The following CSMD1 variants were observed in gnomAD, a reference collection of about 807,000 sequenced individuals.
CSMD1 encodes the protein CUB and sushi domain-containing protein 1.
CSMD1 carries 213 observed loss-of-function variants against 417.5 expected under a neutral mutation model. The ratio of observed to expected loss-of-function variants is 0.51; its 90% CI spans 0.46 to 0.57. The LOEUF is 0.57. Ranked by LOEUF, CSMD1 falls within the 20% of genes least tolerant of loss-of-function variation. The pLI, the probability that CSMD1 is intolerant of heterozygous loss-of-function variation, is 0.00. For synonymous variants in CSMD1, 2,862 were observed against 1,736.8 expected (o/e 1.65, Z -16.11); for missense variants, 6,923 against 4,529.7 (o/e 1.53, Z -15.17).
intron 7 of CSMD1, among the ~76,000 whole-genome samples, chr8:3,697,484 G>T (rs1800618995): frequency 6.6e-6 from 1 of 152,086 alleles, no homozygotes; most frequent in Non-Finnish European, 1.5e-5. Flanking sequence ...TGTATAAAAT[G>T]GAATTCTTTA....
At chr8:4,322,878 A>T (rs955411155) in intron 3 of CSMD1, among the ~76,000 whole-genome samples, 2 of 152,170 alleles carry the variant, frequency 1.3e-5, no homozygotes, top group African/African-American at 4.8e-5. Context: ...CCAGCTACTC[A>T]GGAGGCTGAG....
chr8:4,312,031 T>C (rs1300784724), intron 3 of CSMD1, among the ~76,000 whole-genome samples: 3 of 152,162 alleles, frequency 2.0e-5, no homozygotes, highest in African/African-American at 7.2e-5. Flanking sequence ...TATTATAGTG[T>C]GTTGAAATCA....
chr8:3,011,850 T>C (rs1808407616), intron 52 of CSMD1, among the ~76,000 whole-genome samples: 1 of 152,226 alleles, frequency 6.6e-6, no homozygotes. Flanking sequence ...GTTTGTGTGT[T>C]CTCTGTTGGT....
chr8:3,723,136 C>T (rs1003827070), intron 6 of CSMD1, among the ~76,000 whole-genome samples: 6 of 152,082 alleles, frequency 3.9e-5, no homozygotes, highest in African/African-American at 1.4e-4. Context: ...TTCGGTGGTT[C>T]TAGGACTGAG....
intron 3 of CSMD1, among the ~76,000 whole-genome samples, chr8:4,352,214 A>G (rs1461106203): frequency 6.6e-6 from 1 of 152,196 alleles, no homozygotes; most frequent in Non-Finnish European, 1.5e-5. Flanking sequence ...CCCCACTTAG[A>G]GCTAATGCAA....
intron 5 of CSMD1, among the ~76,000 whole-genome samples, chr8:3,868,010 C>T (rs1403093619): frequency 6.6e-6 from 1 of 152,114 alleles, no homozygotes; most frequent in African/African-American, 2.4e-5. Context: ...ACACCTCATC[C>T]TTCCTTCTCC....
At chr8:3,449,230 T>C (rs1012420975) in intron 12 of CSMD1, among the ~76,000 whole-genome samples, 1 of 152,222 alleles carries the variant, frequency 6.6e-6, no homozygotes, top group Admixed American at 6.5e-5. Context: ...TGAAGAATTG[T>C]AGAGGGAAGT....
intron 37 of CSMD1, among the ~76,000 whole-genome samples, chr8:3,174,839 G>A (rs975036115): frequency 2.6e-5 from 4 of 151,504 alleles, no homozygotes; most frequent in African/African-American, 7.3e-5. Flanking sequence ...TTTTTATGTT[G>A]CATCAAACAC....
intron 41 of CSMD1, among the ~76,000 whole-genome samples, chr8:3,138,686 A>T (rs1487511865): frequency 6.6e-6 from 1 of 152,208 alleles, no homozygotes; most frequent in Admixed American, 6.5e-5. Flanking sequence ...TGAGATTGCT[A>T]CACGTGCAAG....
intron 26 of CSMD1, among the ~76,000 whole-genome samples, chr8:3,255,989 C>G (rs1800621436): frequency 1.3e-5 from 2 of 152,080 alleles, no homozygotes; most frequent in Non-Finnish European, 2.9e-5. Flanking sequence ...GGAGCTGTTC[C>G]TATTCGGCCA....
intron 5 of CSMD1, among the ~76,000 whole-genome samples, chr8:3,783,371 G>A (rs1030119242): frequency 1.3e-5 from 2 of 152,230 alleles, no homozygotes; most frequent in African/African-American, 2.4e-5. Flanking sequence ...GCACCAGGAA[G>A]CAGTCACATG....
intron 1 of CSMD1, among the ~76,000 whole-genome samples, chr8:4,640,624 C>G (rs1351183131): frequency 1.3e-5 from 2 of 152,034 alleles, no homozygotes; most frequent in East Asian, 1.9e-4. Context: ...TAAATGATGT[C>G]CTTAAGTACA....
chr8:3,778,839 C>T (rs1171078564), intron 5 of CSMD1, among the ~76,000 whole-genome samples: 4 of 152,172 alleles, frequency 2.6e-5, no homozygotes, highest in Admixed American at 2.6e-4. Flanking sequence ...TATTATTCCT[C>T]ATTGAATACT....
chr8:4,372,029 A>ACAGGTCAT (rs145713991), intron 3 of CSMD1, among the ~76,000 whole-genome samples: 2,528 of 152,330 alleles, frequency 0.017, 25 homozygotes, highest in Non-Finnish European at 0.028. Flanking sequence ...CGATATAGCT[A>ACAGGTCAT]CAGGTCATGG....
At chr8:3,836,168 A>G (rs1802686969) in intron 5 of CSMD1, among the ~76,000 whole-genome samples, 1 of 152,086 alleles carries the variant, frequency 6.6e-6, no homozygotes, top group African/African-American at 2.4e-5. Context: ...TCATTGTCTC[A>G]GTTTATTATA....
chr8:3,604,935 A>T (rs1486541824), intron 8 of CSMD1, among the ~76,000 whole-genome samples: 1 of 152,196 alleles, frequency 6.6e-6, no homozygotes, highest in Non-Finnish European at 1.5e-5. Flanking sequence ...TAAAATTTAT[A>T]ATGTGCCTTT....
chr8:4,022,110 T>C (rs1244221197), intron 4 of CSMD1, among the ~76,000 whole-genome samples: 3 of 123,622 alleles, frequency 2.4e-5, no homozygotes, highest in Non-Finnish European at 3.3e-5. Flanking sequence ...TATATATGAA[T>C]GGATATAGAA....
At chr8:4,101,608 T>C (rs1367383790) in intron 3 of CSMD1, among the ~76,000 whole-genome samples, 6 of 152,214 alleles carry the variant, frequency 3.9e-5, no homozygotes, top group Admixed American at 1.3e-4. Flanking sequence ...AACCCAAATG[T>C]AGGAGGACCT....
In CSMD1 at chr8:4,277,792, G is replaced by C. The variant is rs546227750; in HGVS notation, c.415+142161C>G. ...AGACGGAGTCTCACTCTGTTGCCCAGGCTGGAGTGCAGTCGTATAATCTCG... is the reference window on the plus strand; with the variant it reads ...AGACGGAGTCTCACTCTGTTGCCCACGCTGGAGTGCAGTCGTATAATCTCG... On this transcript the variant is annotated intron_variant, in intron 3 of 69. Coordinates refer to ENST00000635120, the MANE Select transcript of CSMD1 (RefSeq NM_033225.6). Among the ~76,000 whole-genome samples, 343 of 152,166 alleles carry C rather than the reference G, an allele frequency of 2.3e-3. 1 individual carries two copies. Among genetic ancestry groups the C allele is most frequent in the African/African-American group, 3.4e-3 (140 of 41,514 alleles).
Sources: allele counts gnomAD v4.1 joint callset (sites outside exome capture counted in the v4.1 genomes callset), GRCh38; gene constraint gnomAD v4.1.1; transcripts MANE v1.5; gene names NCBI Gene and HGNC (gene_info 2026-07-23, HGNC 2026-07-21).